Variants in OLFM2 observed in about 807,000 individuals in gnomAD.
The protein encoded by OLFM2 is noelin-2.
In OLFM2, 20 loss-of-function variants were observed where a neutral mutation model predicts 43.9. The ratio of observed to expected loss-of-function variants is 0.46; its 90% CI spans 0.32 to 0.66. OLFM2 has a LOEUF of 0.66. Ranked by LOEUF, OLFM2 falls within the 30% of genes least tolerant of loss-of-function variation. OLFM2 has a pLI of 0.04. For missense variants in OLFM2, 416 were observed against 643.6 expected, an observed-to-expected ratio of 0.65 and a Z score of 3.83; for synonymous variants, 268 against 278.6, an observed-to-expected ratio of 0.96 and a Z score of 0.38.
chr19:9,907,721 A>G (rs1008601352), intron 1 of OLFM2, among the ~76,000 whole-genome samples: 1 of 151,432 alleles, frequency 6.6e-6, no homozygotes, highest in African/African-American at 2.4e-5. Flanking sequence ...AGACAGATAT[A>G]GGCCGGGCAT....
At chr19:9,930,643 G>A (rs983551590) in intron 1 of OLFM2, among the ~76,000 whole-genome samples, 3 of 151,438 alleles carry the variant, frequency 2.0e-5, no homozygotes, top group African/African-American at 7.3e-5. Context: ...TCTGGAGTTC[G>A]AGACCAGAGT....
intron 1 of OLFM2, among the ~76,000 whole-genome samples, chr19:9,905,141 T>C (rs1429207243): frequency 6.6e-6 from 1 of 151,832 alleles, no homozygotes; most frequent in Non-Finnish European, 1.5e-5. Context: ...GGCCAATATG[T>C]TGAAACCCTG....
chr19:9,927,012 G>A (rs747301120), intron 1 of OLFM2, among the ~76,000 whole-genome samples: 17 of 148,342 alleles, frequency 1.1e-4, no homozygotes, highest in Non-Finnish European at 1.9e-4. Context: ...GGTCCAGCAC[G>A]GTGGCTGACG....
chr19:9,869,303 T>C (rs1265335652), intron 1 of OLFM2, among the ~76,000 whole-genome samples: 1 of 152,194 alleles, frequency 6.6e-6, no homozygotes, highest in East Asian at 1.9e-4. Context: ...ATCCTTACGA[T>C]AGAAGTGACT....
At chr19:9,889,648 G>C (rs2046620731) in intron 1 of OLFM2, among the ~76,000 whole-genome samples, 1 of 152,230 alleles carries the variant, frequency 6.6e-6, no homozygotes, top group African/African-American at 2.4e-5. Context: ...CGGGGTGTCT[G>C]TGAGTGGAAG....
At chr19:9,900,284 A>C (rs1181213282) in intron 1 of OLFM2, among the ~76,000 whole-genome samples, 1 of 152,084 alleles carries the variant, frequency 6.6e-6, no homozygotes, top group Non-Finnish European at 1.5e-5. Context: ...GAGAGGGATG[A>C]CTTGAAAAGA....
intron 1 of OLFM2, among the ~76,000 whole-genome samples, chr19:9,908,220 G>C (rs2046799423): frequency 4.6e-5 from 7 of 152,036 alleles, no homozygotes; most frequent in Admixed American, 4.6e-4. Context: ...CAACTCCTGG[G>C]CTCAAGCAAT....
chr19:9,884,366 A>G (rs1168634065), intron 1 of OLFM2, among the ~76,000 whole-genome samples: 1 of 151,732 alleles, frequency 6.6e-6, no homozygotes, highest in Non-Finnish European at 1.5e-5. Flanking sequence ...TCACAAGGTC[A>G]GGAGTTCGAA....
intron 1 of OLFM2, among the ~76,000 whole-genome samples, chr19:9,930,453 G>T (rs1037957832): frequency 3.3e-5 from 5 of 152,118 alleles, no homozygotes; most frequent in African/African-American, 1.2e-4. Context: ...CTACTCAGGA[G>T]GCTGAGGCAG....
intron 1 of OLFM2, among the ~76,000 whole-genome samples, chr19:9,927,594 C>T (rs1191418824): frequency 6.6e-6 from 1 of 152,206 alleles, no homozygotes; most frequent in Non-Finnish European, 1.5e-5. Flanking sequence ...ATGCCACCTC[C>T]CCCAGGAAGC....
At chr19:9,916,627 G>C (rs1199855799) in intron 1 of OLFM2, among the ~76,000 whole-genome samples, 1 of 152,184 alleles carries the variant, frequency 6.6e-6, no homozygotes, top group Non-Finnish European at 1.5e-5. Context: ...TCCTGGCTTA[G>C]ACAATTTGGG....
intron 1 of OLFM2, among the ~76,000 whole-genome samples, chr19:9,867,910 T>TC (rs2145441530): frequency 6.6e-6 from 1 of 151,986 alleles, no homozygotes; most frequent in South Asian, 2.1e-4. Flanking sequence ...AAAAAAATTT[T>TC]TTTTTTTTGG....
At chr19:9,930,648 C>T (rs189094305) in intron 1 of OLFM2, among the ~76,000 whole-genome samples, 4 of 151,348 alleles carry the variant, frequency 2.6e-5, no homozygotes, top group African/African-American at 9.7e-5. Flanking sequence ...AGTTCGAGAC[C>T]AGAGTGGGCA....
chr19:9,854,513 C>G lies in OLFM2; in HGVS notation c.1038G>C (p.Val346=). ...GGGTGTGCGGGTCCAGCCGGCTGAC[C>G]ACGATGTTGCCCGCGTTCTGGTTGG... ...YTTNQNAGNI[V]VSRLDPHTLE... The change falls in exon 6 of 6, where the codon GTG becomes GTC. Residue 346 remains valine, a synonymous_variant. Transcript: ENST00000264833. The surrounding 1 kb of genome is among the most constrained non-coding windows in gnomAD (Gnocchi z 9.5). 1 of 1,613,850 alleles carries G rather than the reference C, an allele frequency of 6.2e-7. No homozygotes were observed. The highest frequency in any genetic ancestry group is 1.1e-5 in the South Asian group (1 of 91,088).
At chr19:9,865,791 C>A (rs1382345992) in intron 1 of OLFM2, among the ~76,000 whole-genome samples, 1 of 149,878 alleles carries the variant, frequency 6.7e-6, no homozygotes, top group East Asian at 1.9e-4. Context: ...CGTGCCCGGC[C>A]CTCCCTTCTT....
chr19:9,931,318 T>C (rs962188154), intron 1 of OLFM2, among the ~76,000 whole-genome samples: 1 of 152,164 alleles, frequency 6.6e-6, no homozygotes, highest in Non-Finnish European at 1.5e-5. Flanking sequence ...AGTGCAATGA[T>C]AGCTCACTGC....
At chr19:9,877,858 A>G (rs1009126917) in intron 1 of OLFM2, among the ~76,000 whole-genome samples, 1 of 152,038 alleles carries the variant, frequency 6.6e-6, no homozygotes, top group Non-Finnish European at 1.5e-5. Flanking sequence ...AGATTAATTA[A>G]TTGATTATTT....
intron 1 of OLFM2, among the ~76,000 whole-genome samples, chr19:9,888,275 C>A (rs1235775294): frequency 6.6e-6 from 1 of 152,090 alleles, no homozygotes; most frequent in African/African-American, 2.4e-5. Flanking sequence ...GTAATCCCAG[C>A]ACTTTGGGAG....
intron 1 of OLFM2, among the ~76,000 whole-genome samples, chr19:9,919,567 TC>T (rs2086407114): frequency 6.6e-6 from 1 of 151,816 alleles, no homozygotes; most frequent in African/African-American, 2.4e-5. Context: ...ACTGCAACCT[TC>T]CCCTCTGGGT....
Sources: gnomAD v4.1 joint callset for allele counts (sites outside exome capture counted in the v4.1 genomes callset) on GRCh38, gnomAD v4.1.1 for gene constraint, Gnocchi (gnomAD v3.1) non-coding constraint, MANE v1.5 for transcripts, NCBI Gene and HGNC (gene_info 2026-07-23, HGNC 2026-07-21) for gene names.